The following RAB33A variants were observed in gnomAD, a reference collection of about 807,000 sequenced individuals.
RAB33A encodes ras-related protein Rab-33A.
A neutral mutation model predicts 12.0 loss-of-function variants in RAB33A; 6 were observed. That is an observed-to-expected ratio of 0.50 (90% CI 0.27 to 0.99). RAB33A has a LOEUF of 0.99. Ranked by LOEUF, RAB33A falls within the 50% of genes least tolerant of loss-of-function variation. The probability of loss-of-function intolerance (pLI) is 0.11; values close to 1 mark genes in which losing one functional copy is unlikely to be tolerated. For synonymous variants in RAB33A, 70 were observed against 82.4 expected, an observed-to-expected ratio of 0.85 and a Z score of 0.81; for missense variants, 109 against 192.0, an observed-to-expected ratio of 0.57 and a Z score of 2.55.
chrX:130,137,383 A>G, the RAB33A span: 10 of 1,154,762 alleles, frequency 8.7e-6, no homozygotes, highest in South Asian at 7.8e-5. Context: ...TACAACAGGT[A>G]TCAGAACTGC....
upstream of RAB33A, among the ~76,000 whole-genome samples, chrX:130,168,662 A>T (rs775730767): frequency 2.7e-5 from 3 of 111,855 alleles, no homozygotes; most frequent in East Asian, 8.5e-4. Context: ...AAGTGTTGGG[A>T]TTACACGTGT....
At chrX:130,137,570 A>G in the RAB33A span, 1 of 1,156,550 alleles carries the variant, frequency 8.6e-7, no homozygotes, top group Admixed American at 2.7e-5. Flanking sequence ...AAACATTCCA[A>G]CTGGAGCTCA....
the RAB33A span, among the ~76,000 whole-genome samples, chrX:130,114,718 C>T: frequency 8.9e-6 from 1 of 112,231 alleles, no homozygotes; most frequent in Non-Finnish European, 1.9e-5. Flanking sequence ...TCTGTGTTGC[C>T]CACAGCCCAT....
the RAB33A span, chrX:130,149,370 A>G: frequency 1.5e-6 from 1 of 684,603 alleles, no homozygotes; most frequent in Non-Finnish European, 2.4e-6. Flanking sequence ...TCATACCACC[A>G]TTGCTTCTAC....
At chrX:130,119,191 G>A in the RAB33A span, among the ~76,000 whole-genome samples, 2 of 110,461 alleles carry the variant, frequency 1.8e-5, no homozygotes, top group East Asian at 2.9e-4. Flanking sequence ...CCCTGGGATC[G>A]TCCAGGGGCT....
chrX:130,115,027 C>T, the RAB33A span, among the ~76,000 whole-genome samples: 1 of 111,028 alleles, frequency 9.0e-6, no homozygotes, highest in Non-Finnish European at 1.9e-5. Flanking sequence ...TGGTCTTGAA[C>T]TCCTGGGCTC....
the RAB33A span, chrX:130,145,469 A>G: frequency 8.4e-7 from 1 of 1,194,586 alleles, no homozygotes; most frequent in Non-Finnish European, 1.1e-6. Context: ...GAAGCGGTCT[A>G]CTAGCTCACC....
the RAB33A span, among the ~76,000 whole-genome samples, chrX:130,144,856 T>G: frequency 1.8e-5 from 2 of 112,613 alleles, no homozygotes; most frequent in Admixed American, 9.4e-5. Flanking sequence ...CTCTGTCTAA[T>G]GTCCCCTTAC....
At chrX:130,118,104 C>T in the RAB33A span, among the ~76,000 whole-genome samples, 20 of 112,096 alleles carry the variant, frequency 1.8e-4, no homozygotes, top group Admixed American at 1.9e-4. Context: ...TCACACTGCA[C>T]GGGGCTCTAC....
chrX:130,120,059 T>C, the RAB33A span, among the ~76,000 whole-genome samples: 362 of 111,220 alleles, frequency 3.3e-3, 2 homozygotes, highest in Non-Finnish European at 4.5e-3. Context: ...ATATGTTAAC[T>C]AAACAGCCAC....
the RAB33A span, among the ~76,000 whole-genome samples, chrX:130,121,233 CTTTT>C: frequency 9.2e-6 from 1 of 108,707 alleles, no homozygotes; most frequent in African/African-American, 3.4e-5. Context: ...TCAATCCTTT[CTTTT>C]TTTTCTTTTC....
the RAB33A span, among the ~76,000 whole-genome samples, chrX:130,141,591 G>A: frequency 2.7e-5 from 3 of 111,407 alleles, no homozygotes; most frequent in Non-Finnish European, 5.7e-5. Flanking sequence ...GGAGGTGTTG[G>A]CATTCTGCAA....
At chrX:130,172,364 G>A in intron 1 of RAB33A, 44 bp downstream of exon 1, 1 of 1,160,143 alleles carries the variant, frequency 8.6e-7, no homozygotes, top group Non-Finnish European at 1.1e-6. Context: ...ACCCGGGAGG[G>A]GACCTCGCCC....
At chrX:130,157,530 T>A in the RAB33A span, among the ~76,000 whole-genome samples, 1 of 112,447 alleles carries the variant, frequency 8.9e-6, no homozygotes, top group African/African-American at 3.2e-5. Flanking sequence ...AACTACTCAA[T>A]TCCACTGATG....
At chrX:130,163,641 C>A in the RAB33A span, among the ~76,000 whole-genome samples, 1 of 112,195 alleles carries the variant, frequency 8.9e-6, no homozygotes, top group Non-Finnish European at 1.9e-5. Context: ...CAGTAGACTG[C>A]CTTCAAACAA....
At chrX:130,136,820 G>A in the RAB33A span, 48 of 1,061,031 alleles carry the variant, frequency 4.5e-5, no homozygotes, top group Admixed American at 9.4e-4. Context: ...CTCCTCCACG[G>A]TAAAACCAAT....
chrX:130,165,582 G>T, the RAB33A span: 2 of 1,198,929 alleles, frequency 1.7e-6, no homozygotes, highest in Non-Finnish European at 1.1e-6. Context: ...TCGGGCTTCG[G>T]ACGCACACGG....
chrX:130,174,488 A>C (rs1320491180), intron 1 of RAB33A, among the ~76,000 whole-genome samples: 6 of 112,298 alleles, frequency 5.3e-5, no homozygotes, highest in Non-Finnish European at 9.4e-5. Context: ...GGCGGCTAGC[A>C]CGTGATCTAG....
At chrX:130,158,951 A>G in the RAB33A span, among the ~76,000 whole-genome samples, 1 of 111,008 alleles carries the variant, frequency 9.0e-6, no homozygotes, top group Non-Finnish European at 1.9e-5. Flanking sequence ...ACAGACGGGT[A>G]AAAACAAGCC....
Sources: allele counts gnomAD v4.1 joint callset (sites outside exome capture counted in the v4.1 genomes callset), GRCh38; gene constraint gnomAD v4.1.1; transcripts MANE v1.5; gene names NCBI Gene and HGNC (gene_info 2026-07-23, HGNC 2026-07-21).